PIR: variants seen among roughly 807,000 people sequenced by gnomAD.
PIR encodes pirin (iron-binding nuclear protein).
In PIR, 22 loss-of-function variants were observed where a neutral mutation model predicts 24.2. The ratio of observed to expected loss-of-function variants is 0.91; its 90% CI spans 0.65 to 1.30. PIR has a LOEUF of 1.30. Among genes scored for constraint, PIR ranks in the 50% most tolerant of loss-of-function variants. The pLI, the probability that PIR is intolerant of heterozygous loss-of-function variation, is 0.00. For synonymous variants in PIR, 80 were observed against 79.6 expected (o/e 1.00, Z -0.03); for missense variants, 220 against 220.3 (o/e 1.00, Z 0.01).
chrX:15,393,763 G>A (rs1924035734), intron 8 of PIR, among the ~76,000 whole-genome samples: 2 of 105,966 alleles, frequency 1.9e-5, no homozygotes, highest in East Asian at 2.9e-4. Context: ...TCTAGTTGCA[G>A]GAAAACAAAT....
At chrX:15,486,080 G>A (rs1321664583) in intron 2 of PIR, among the ~76,000 whole-genome samples, 1 of 108,841 alleles carries the variant, frequency 9.2e-6, no homozygotes, top group Non-Finnish European at 1.9e-5. Context: ...CAGGCCAGGC[G>A]TGGTGGCTCA....
At chrX:15,390,528 A>G (rs972395555) in intron 8 of PIR, among the ~76,000 whole-genome samples, 3 of 111,936 alleles carry the variant, frequency 2.7e-5, no homozygotes, top group African/African-American at 9.7e-5. Flanking sequence ...TTAACTGGAA[A>G]TATCTTCACG....
intron 5 of PIR, among the ~76,000 whole-genome samples, chrX:15,455,397 G>T (rs941668307): frequency 1.6e-4 from 18 of 112,493 alleles, no homozygotes; most frequent in African/African-American, 5.5e-4. Context: ...TTTCTGCAAT[G>T]TAGTAGTGTG....
rs184789966 is a variant in PIR at position 15,458,111 on chromosome X, C to T, written c.273+1546G>A. Among the ~76,000 whole-genome samples, 239 of 112,214 alleles carry T rather than the reference C, an allele frequency of 2.1e-3. 1 individual carries two copies. Among genetic ancestry groups the T allele is most frequent in the African/African-American group, 7.2e-3 (223 of 30,886 alleles). On this transcript the variant is annotated intron_variant, in intron 4 of 9. Transcript: ENST00000380420. ...CATCCTCCCATTTTTAAGCATTTTCCTTTTCCCTTTAAAGTTCATTTCTTC... is the reference window on the plus strand; with the variant it reads ...CATCCTCCCATTTTTAAGCATTTTCTTTTTCCCTTTAAAGTTCATTTCTTC...
chrX:15,430,733 T>G (rs1185423881), intron 5 of PIR, among the ~76,000 whole-genome samples: 2 of 112,111 alleles, frequency 1.8e-5, no homozygotes, highest in Non-Finnish European at 3.8e-5. Context: ...TCCTCTGCTT[T>G]TATTCATAAA....
chrX:15,388,937 T>A (rs1923863477), intron 9 of PIR, among the ~76,000 whole-genome samples: 1 of 112,128 alleles, frequency 8.9e-6, no homozygotes, highest in African/African-American at 3.2e-5. Context: ...GTCTGATTAC[T>A]CCGAGTTTGT....
chrX:15,400,577 CTG>C (rs1924343225), intron 7 of PIR, among the ~76,000 whole-genome samples: 1 of 110,938 alleles, frequency 9.0e-6, no homozygotes, highest in Non-Finnish European at 1.9e-5. Flanking sequence ...GTTCATTGGT[CTG>C]TGAGGAAATC....
chrX:15,488,720 A>AT (rs1923003117), intron 2 of PIR, among the ~76,000 whole-genome samples: 1 of 111,606 alleles, frequency 9.0e-6, no homozygotes, highest in South Asian at 3.7e-4. Context: ...CTATCCATTT[A>AT]TTTTTCCTTA....
At chrX:15,418,237 G>A (rs942410993) in intron 6 of PIR, among the ~76,000 whole-genome samples, 7 of 111,484 alleles carry the variant, frequency 6.3e-5, no homozygotes, top group African/African-American at 2.3e-4. Context: ...CAGAGTGGCT[G>A]TTGAGGGCCA....
intron 9 of PIR, among the ~76,000 whole-genome samples, chrX:15,388,177 T>C (rs1923835883): frequency 8.9e-6 from 1 of 112,590 alleles, no homozygotes; most frequent in Non-Finnish European, 1.9e-5. Flanking sequence ...ATCACTTCTC[T>C]AATTAAGCCT....
At chrX:15,484,787 G>A (rs960638834) in intron 2 of PIR, among the ~76,000 whole-genome samples, 3 of 112,229 alleles carry the variant, frequency 2.7e-5, no homozygotes, top group Non-Finnish European at 5.6e-5. Flanking sequence ...TCATATCCTA[G>A]TGTTTTGTGG....
Position 15,425,932 on chromosome X carries a change from G to A in PIR, c.539C>T (p.Ala180Val), listed in dbSNP as rs757971715. The A allele has an allele frequency of 3.4e-6, 4 of 1,191,396 alleles. No homozygotes were observed. Among genetic ancestry groups the A allele is most frequent in the Non-Finnish European group, 4.6e-6 (4 of 877,406 alleles). Reference sequence around the variant, plus strand: ...TTTAGGGATAGGTTGGGAATGTTTGGCTCCTGGGTCCAATTTGAAGTCCAA... The same window carrying A: ...TTTAGGGATAGGTTGGGAATGTTTGACTCCTGGGTCCAATTTGAAGTCCAA... ...LYLDFKLDPG[A>V]KHSQPIPKGW... The change falls in exon 6 of 10, where the codon GCC (alanine) becomes GTC (valine). Residue 180 changes from alanine (A) to valine (V), a missense_variant. Ala to Val is a moderately conservative substitution (Grantham distance 64). Coordinates refer to ENST00000380420, the MANE Select transcript of PIR (RefSeq NM_001018109.3).
chrX:15,388,318 G>A (rs927256106), intron 9 of PIR, among the ~76,000 whole-genome samples: 2 of 111,808 alleles, frequency 1.8e-5, no homozygotes, highest in African/African-American at 3.3e-5. Context: ...GCTAACAATC[G>A]CTTTCCATTA....
At chrX:15,409,843 G>A (rs1170051611) in intron 6 of PIR, among the ~76,000 whole-genome samples, 5 of 111,447 alleles carry the variant, frequency 4.5e-5, no homozygotes, top group Admixed American at 2.9e-4. Context: ...CATCTAAACT[G>A]AAAATCTTTC....
At chrX:15,442,328 G>C (rs1007703168) in intron 5 of PIR, among the ~76,000 whole-genome samples, 2 of 111,372 alleles carry the variant, frequency 1.8e-5, no homozygotes, top group Non-Finnish European at 3.8e-5. Context: ...ATAAATGTGT[G>C]TTCTGACTGC....
chrX:15,489,911 G>A (rs184463819), intron 2 of PIR, among the ~76,000 whole-genome samples: 33 of 111,937 alleles, frequency 2.9e-4, no homozygotes, highest in Admixed American at 2.8e-4. Flanking sequence ...TGGTTACCCC[G>A]GCTAGGGGAT....
intron 8 of PIR, among the ~76,000 whole-genome samples, chrX:15,397,069 T>C (rs1279206683): frequency 5.3e-5 from 6 of 112,556 alleles, no homozygotes; most frequent in African/African-American, 1.9e-4. Context: ...AAGGGCTCTA[T>C]GTGAGTATGC....
intron 5 of PIR, chrX:15,429,717 G>A (rs906566756): frequency 6.3e-5 from 7 of 110,825 alleles, no homozygotes; most frequent in Non-Finnish European, 1.3e-4. Flanking sequence ...TTAGCCGGGC[G>A]TGGCGGTGGT....
intron 6 of PIR, among the ~76,000 whole-genome samples, chrX:15,417,349 A>T (rs192767300): frequency 8.9e-6 from 1 of 112,734 alleles, no homozygotes; most frequent in Non-Finnish European, 1.9e-5. Flanking sequence ...TTTTGGGGGT[A>T]ATTTGTTATG....
Sources: gnomAD v4.1 joint callset for allele counts (sites outside exome capture counted in the v4.1 genomes callset) on GRCh38, gnomAD v4.1.1 for gene constraint, MANE v1.5 for transcripts, NCBI Gene and HGNC (gene_info 2026-07-23, HGNC 2026-07-21) for gene names.